TIAM1: variants seen among roughly 807,000 people sequenced by gnomAD.
The protein encoded by TIAM1 is rho guanine nucleotide exchange factor TIAM1.
Under a neutral mutation model 163.5 loss-of-function variants are expected in TIAM1, and 65 were observed. The ratio of observed to expected loss-of-function variants is 0.40; its 90% CI spans 0.33 to 0.49. The LOEUF (loss-of-function observed/expected upper bound fraction) is 0.49. Among genes scored for constraint, TIAM1 ranks in the 20% least tolerant of loss-of-function variants. The probability of loss-of-function intolerance (pLI) is 0.77; values close to 1 mark genes in which losing one functional copy is unlikely to be tolerated. For synonymous variants in TIAM1, 833 were observed against 810.1 expected, an observed-to-expected ratio of 1.03 and a Z score of -0.48; for missense variants, 1,789 against 2,044.7, an observed-to-expected ratio of 0.87 and a Z score of 2.41.
chr21:31,156,200 TGA>T (rs2083615744), intron 16 of TIAM1, among the ~76,000 whole-genome samples: 1 of 152,216 alleles, frequency 6.6e-6, no homozygotes, highest in South Asian at 2.1e-4. Context: ...TGCAGTGGCA[TGA>T]CAGGACAGAG....
intron 2 of TIAM1, among the ~76,000 whole-genome samples, chr21:31,325,359 G>T (rs1175966228): frequency 6.6e-6 from 1 of 151,258 alleles, no homozygotes; most frequent in Non-Finnish European, 1.5e-5. Flanking sequence ...TTCTCATAGA[G>T]TATGTTTTTA....
intron 10 of TIAM1, among the ~76,000 whole-genome samples, chr21:31,210,690 A>G (rs1405772238): frequency 2.8e-5 from 3 of 106,298 alleles, no homozygotes; most frequent in African/African-American, 1.4e-4. Context: ...AAAGAAAAAG[A>G]AAGAAAGAAA....
intron 2 of TIAM1, among the ~76,000 whole-genome samples, chr21:31,457,196 G>A (rs935634917): frequency 6.6e-6 from 1 of 152,196 alleles, no homozygotes; most frequent in South Asian, 2.1e-4. Flanking sequence ...GCTCAGAGGA[G>A]GAGGTAGAGA....
upstream of TIAM1, among the ~76,000 whole-genome samples, chr21:31,347,606 A>G (rs1285833139): frequency 6.6e-6 from 1 of 152,224 alleles, no homozygotes; most frequent in African/African-American, 2.4e-5. Flanking sequence ...TTTCTGCTCC[A>G]AAGAAATGCA....
chr21:31,408,983 T>A (rs2077296191), intron 2 of TIAM1, among the ~76,000 whole-genome samples: 1 of 145,050 alleles, frequency 6.9e-6, no homozygotes, highest in Admixed American at 6.7e-5. Flanking sequence ...ATCACCTGTG[T>A]CACCCACATG....
intron 16 of TIAM1, among the ~76,000 whole-genome samples, chr21:31,159,642 G>C (rs2083803948): frequency 6.6e-6 from 1 of 152,140 alleles, no homozygotes; most frequent in Non-Finnish European, 1.5e-5. Flanking sequence ...GTTTCCTCTT[G>C]AACAAACTTC....
At chr21:31,315,524 AAGT>A (rs1253897349) in intron 2 of TIAM1, among the ~76,000 whole-genome samples, 2 of 151,620 alleles carry the variant, frequency 1.3e-5, no homozygotes, top group Non-Finnish European at 2.9e-5. Flanking sequence ...CAAAAAAAAA[AAGT>A]AGCCGGGTGT....
chr21:31,369,094 CGGGAGCCTGTAGTCTCAGCTTCTT>C (rs1569271613), intron 2 of TIAM1, among the ~76,000 whole-genome samples: 1 of 151,882 alleles, frequency 6.6e-6, no homozygotes, highest in Non-Finnish European at 1.5e-5. Flanking sequence ...GCCGTGGTGG[CGGGAGCCTGTAGTCTCAGCTTCTT>C]GGGAGGCTGA....
At chr21:31,293,992 T>C (rs2074130759) in intron 2 of TIAM1, among the ~76,000 whole-genome samples, 1 of 152,156 alleles carries the variant, frequency 6.6e-6, no homozygotes, top group Admixed American at 6.5e-5. Context: ...CCTGGGTACA[T>C]AAGCTACCCT....
chr21:31,163,657 C>T (rs1469554094), intron 16 of TIAM1, among the ~76,000 whole-genome samples: 3 of 152,104 alleles, frequency 2.0e-5, no homozygotes, highest in African/African-American at 4.8e-5. Flanking sequence ...GGAATCAAAA[C>T]AGGAAATGTA....
intron 2 of TIAM1, among the ~76,000 whole-genome samples, chr21:31,374,954 T>C (rs948010557): frequency 1.7e-4 from 26 of 152,308 alleles, no homozygotes; most frequent in African/African-American, 6.3e-4. Flanking sequence ...GATTCAGTGA[T>C]GAGGGGAAGC....
intron 1 of TIAM1, among the ~76,000 whole-genome samples, chr21:31,505,346 T>C (rs1269400552): frequency 2.0e-5 from 3 of 151,994 alleles, no homozygotes; most frequent in Non-Finnish European, 2.9e-5. Context: ...CCAAGAAGTA[T>C]AAATGTTAAA....
chr21:31,410,174 G>C (rs2077322818), intron 2 of TIAM1, among the ~76,000 whole-genome samples: 1 of 150,682 alleles, frequency 6.6e-6, no homozygotes, highest in South Asian at 2.1e-4. Context: ...GTGAAAAAGG[G>C]TGTATGTGTG....
chr21:31,264,231 A>C (rs549282445), intron 4 of TIAM1, among the ~76,000 whole-genome samples: 1 of 152,234 alleles, frequency 6.6e-6, no homozygotes, highest in Admixed American at 6.5e-5. Flanking sequence ...TCACCCAAAC[A>C]ATGAACACAG....
At chr21:31,348,942 G>A (rs953122129), upstream of TIAM1, among the ~76,000 whole-genome samples, 1 of 152,090 alleles carries the variant, frequency 6.6e-6, no homozygotes, top group African/African-American at 2.4e-5. Context: ...CAAATACATA[G>A]AGATATTCTT....
intron 14 of TIAM1, among the ~76,000 whole-genome samples, chr21:31,185,211 C>T (rs1174396492): frequency 6.6e-6 from 1 of 151,866 alleles, no homozygotes; most frequent in Non-Finnish European, 1.5e-5. Context: ...AGGTGGATTT[C>T]CAGCCCTACC....
intron 1 of TIAM1, among the ~76,000 whole-genome samples, chr21:31,495,875 G>C (rs562982952): frequency 1.3e-3 from 202 of 152,296 alleles, no homozygotes; most frequent in Non-Finnish European, 2.3e-3. Flanking sequence ...AGGAGGCTGA[G>C]GTAGGAGAAT....
At chr21:31,307,860 C>T (rs1284449693) in intron 2 of TIAM1, among the ~76,000 whole-genome samples, 1 of 152,028 alleles carries the variant, frequency 6.6e-6, no homozygotes, top group African/African-American at 2.4e-5. Context: ...GTTGAATTTA[C>T]AAGATAAAAA....
chr21:31,337,409 A>G (rs897497117), intron 2 of TIAM1, among the ~76,000 whole-genome samples: 4 of 152,022 alleles, frequency 2.6e-5, no homozygotes, highest in Non-Finnish European at 5.9e-5. Flanking sequence ...GCACTCAGGG[A>G]GAGGGAATTT....
Sources: allele counts gnomAD v4.1 joint callset (sites outside exome capture counted in the v4.1 genomes callset), GRCh38; gene constraint gnomAD v4.1.1; transcripts MANE v1.5; gene names NCBI Gene and HGNC (gene_info 2026-07-23, HGNC 2026-07-21).